The following NDUFAF2 variants were observed in gnomAD, a reference collection of about 807,000 sequenced individuals.
NDUFAF2 encodes NADH dehydrogenase [ubiquinone] 1 alpha subcomplex assembly factor 2.
NDUFAF2 carries 13 observed loss-of-function variants against 22.8 expected under a neutral mutation model. The ratio of observed to expected loss-of-function variants is 0.57; its 90% CI spans 0.37 to 0.91. NDUFAF2 has a LOEUF of 0.91. Ranked by LOEUF, NDUFAF2 falls within the 40% of genes least tolerant of loss-of-function variation. The pLI, the probability that NDUFAF2 is intolerant of heterozygous loss-of-function variation, is 0.01. For synonymous variants in NDUFAF2, 53 were observed against 64.2 expected (o/e 0.83, Z 0.84); for missense variants, 162 against 195.2 (o/e 0.83, Z 1.01).
intron 1 of NDUFAF2, among the ~76,000 whole-genome samples, chr5:61,045,873 G>C (rs1023356717): frequency 2.0e-5 from 3 of 152,058 alleles, no homozygotes; most frequent in Admixed American, 1.3e-4. Context: ...GAAGTGGTGA[G>C]AGTGGGTATT....
At chr5:61,111,092 A>G (rs1344331185) in intron 3 of NDUFAF2, among the ~76,000 whole-genome samples, 1 of 152,160 alleles carries the variant, frequency 6.6e-6, no homozygotes, top group Non-Finnish European at 1.5e-5. Flanking sequence ...TTCAAGGAGC[A>G]TATTAATTTC....
At chr5:61,146,897 A>G (rs1450523226) in intron 3 of NDUFAF2, among the ~76,000 whole-genome samples, 2 of 152,164 alleles carry the variant, frequency 1.3e-5, no homozygotes, top group Non-Finnish European at 2.9e-5. Context: ...CTGTTCTTCT[A>G]CAAAGAAGCA....
At chr5:61,063,644 A>C (rs1349848444) in intron 1 of NDUFAF2, among the ~76,000 whole-genome samples, 2 of 152,134 alleles carry the variant, frequency 1.3e-5, no homozygotes, top group Non-Finnish European at 2.9e-5. Flanking sequence ...GTATGCATCA[A>C]TGTTGAGTAA....
At chr5:61,098,465 T>G (rs1752670260) in intron 2 of NDUFAF2, among the ~76,000 whole-genome samples, 1 of 152,252 alleles carries the variant, frequency 6.6e-6, no homozygotes. Context: ...GCTCTATCTC[T>G]GCAGCCCATC....
At chr5:60,956,191 A>G (rs1045269031) in intron 1 of NDUFAF2, among the ~76,000 whole-genome samples, 13 of 152,074 alleles carry the variant, frequency 8.5e-5, no homozygotes, top group Non-Finnish European at 1.8e-4. Flanking sequence ...ATGAGCCACC[A>G]TGCCTGGCCT....
chr5:61,092,020 C>G (rs1250081594), intron 2 of NDUFAF2, among the ~76,000 whole-genome samples: 4 of 152,132 alleles, frequency 2.6e-5, no homozygotes, highest in Non-Finnish European at 5.9e-5. Flanking sequence ...AGTCCTATTT[C>G]TGGACTCTCT....
intron 1 of NDUFAF2, among the ~76,000 whole-genome samples, chr5:60,996,089 C>A (rs1264541075): frequency 6.6e-6 from 1 of 152,108 alleles, no homozygotes; most frequent in African/African-American, 2.4e-5. Context: ...CATCCAAGAG[C>A]CAAGTCATAG....
chr5:61,131,739 A>G (rs1753114095), intron 3 of NDUFAF2, among the ~76,000 whole-genome samples: 1 of 152,170 alleles, frequency 6.6e-6, no homozygotes, highest in Admixed American at 6.5e-5. Flanking sequence ...TATTCGTAGT[A>G]TATATTTTAT....
At chr5:61,122,779 T>C (rs547208946) in intron 3 of NDUFAF2, among the ~76,000 whole-genome samples, 3 of 152,310 alleles carry the variant, frequency 2.0e-5, no homozygotes, top group Middle Eastern at 3.4e-3. Context: ...CAGACACCTC[T>C]TGTGCCCTAC....
intron 1 of NDUFAF2, among the ~76,000 whole-genome samples, chr5:60,957,229 T>C (rs1394299636): frequency 1.3e-4 from 20 of 152,150 alleles, no homozygotes; most frequent in Admixed American, 1.3e-3. Context: ...TTTTTACAGT[T>C]ATACTTGTGG....
chr5:61,119,104 G>A (rs2111796203), intron 3 of NDUFAF2, among the ~76,000 whole-genome samples: 1 of 152,240 alleles, frequency 6.6e-6, no homozygotes, highest in Middle Eastern at 3.4e-3. Context: ...AGGATAAACT[G>A]AAAAATGGGA....
intron 1 of NDUFAF2, among the ~76,000 whole-genome samples, chr5:61,018,124 C>T (rs896458913): frequency 6.6e-6 from 1 of 152,116 alleles, no homozygotes; most frequent in African/African-American, 2.4e-5. Context: ...AATTAGCTTA[C>T]TACATTTTAC....
chr5:61,054,847 A>G (rs188709215), intron 1 of NDUFAF2, among the ~76,000 whole-genome samples: 2 of 152,272 alleles, frequency 1.3e-5, no homozygotes, highest in Admixed American at 1.3e-4. Context: ...CATTGCTTTA[A>G]ACAAAAGTTT....
intron 2 of NDUFAF2, among the ~76,000 whole-genome samples, chr5:61,085,338 A>G (rs1365649238): frequency 6.6e-6 from 1 of 152,210 alleles, no homozygotes; most frequent in Non-Finnish European, 1.5e-5. Flanking sequence ...ACAAAATTCA[A>G]TATACATTTA....
At chr5:60,964,025 A>G (rs1035288285) in intron 1 of NDUFAF2, among the ~76,000 whole-genome samples, 1 of 152,198 alleles carries the variant, frequency 6.6e-6, no homozygotes. Flanking sequence ...GAGTTACATA[A>G]TCTAATTTAT....
chr5:61,109,500 G>A (rs1752808841), intron 3 of NDUFAF2, among the ~76,000 whole-genome samples: 1 of 152,134 alleles, frequency 6.6e-6, no homozygotes, highest in Admixed American at 6.6e-5. Context: ...AATAACAATA[G>A]TAAAAGTGGG....
intron 1 of NDUFAF2, among the ~76,000 whole-genome samples, chr5:61,041,366 A>G (rs1751880260): frequency 6.6e-6 from 1 of 152,150 alleles, no homozygotes. Flanking sequence ...AATACTACCA[A>G]TAGAGGTACT....
chr5:61,128,338 G>A (rs537715131), intron 3 of NDUFAF2, among the ~76,000 whole-genome samples: 41 of 152,060 alleles, frequency 2.7e-4, no homozygotes, highest in African/African-American at 9.4e-4. Flanking sequence ...CCCACATTAT[G>A]AAGTCAATCC....
intron 1 of NDUFAF2, among the ~76,000 whole-genome samples, chr5:61,020,295 T>C (rs755181074): frequency 6.6e-6 from 1 of 152,116 alleles, no homozygotes; most frequent in African/African-American, 2.4e-5. Flanking sequence ...CTTTCTCTGT[T>C]TCCTTTTCCC....
Sources: gnomAD v4.1 joint callset for allele counts (sites outside exome capture counted in the v4.1 genomes callset) on GRCh38, gnomAD v4.1.1 for gene constraint, MANE v1.5 for transcripts, NCBI Gene and HGNC (gene_info 2026-07-23, HGNC 2026-07-21) for gene names.